PKHD1: variants seen among roughly 807,000 people sequenced by gnomAD.
PKHD1 encodes the protein PKHD1 ciliary IPT domain containing fibrocystin/polyductin, also known as fibrocystin.
A neutral mutation model predicts 412.0 loss-of-function variants in PKHD1; 291 were observed. The ratio of observed to expected loss-of-function variants is 0.71; its 90% confidence interval spans 0.64 to 0.78. The LOEUF is 0.78. PKHD1 is among the 30% of genes least tolerant of loss of function. The pLI, the probability that PKHD1 is intolerant of heterozygous loss-of-function variation, is 0.00. For missense variants in PKHD1, 4,825 were observed against 4,950.7 expected (o/e 0.97, Z 0.76); for synonymous variants, 1,777 against 1,821.5 (o/e 0.98, Z 0.62).
intron 52 of PKHD1, among the ~76,000 whole-genome samples, chr6:51,821,390 C>A (rs1766394658): frequency 1.3e-5 from 2 of 152,164 alleles, no homozygotes; most frequent in African/African-American, 4.8e-5. Flanking sequence ...CCTGGATAAA[C>A]CAGGGTAGCA....
chr6:51,744,479 G>A lies in PKHD1; in HGVS notation c.10062C>T (p.Phe3354=). Residue 3354 remains phenylalanine, a synonymous_variant, in exon 60 of 67, where the codon TTC becomes TTT. Transcript: ENST00000371117. Reference sequence around the variant, plus strand: ...CCAGGGCTCTCCCATCCAGATCCTTGAAGAGATATTTTCTTGGACTTGCAC... The same window carrying A: ...CCAGGGCTCTCCCATCCAGATCCTTAAAGAGATATTTTCTTGGACTTGCAC... The part of the protein sequence containing the change: ...LDCASPRKYL[F]KDLDGRALGL... The A allele has an allele frequency of 6.2e-7, 1 of 1,612,994 alleles. No homozygotes were observed. Among genetic ancestry groups the A allele is most frequent in the Non-Finnish European group, 8.5e-7 (1 of 1,179,006 alleles).
chr6:51,908,807 C>G (rs993809702), intron 40 of PKHD1, among the ~76,000 whole-genome samples: 5 of 152,080 alleles, frequency 3.3e-5, no homozygotes, highest in Non-Finnish European at 4.4e-5. Flanking sequence ...TTTCCCCAGG[C>G]AAAAGATTCC....
In PKHD1 at chr6:52,082,574, T is replaced by C. The variant is rs778102351; in HGVS notation, c.131-32A>G. 6 of 1,611,014 alleles carry C rather than the reference T, an allele frequency of 3.7e-6. No homozygotes were observed. In the African/African-American group the frequency reaches 5.3e-5, roughly 14 times the overall value. ...CAAGGGAAAGAAATCTCAGGCTGCA[T>C]AGAATTGTCATTGACACAGGACAGT... is the stretch of plus-strand genomic sequence containing the variant. On this transcript the variant is annotated intron_variant, in intron 3 of 66. Transcript: ENST00000371117.
chr6:51,703,913 G>GT (rs1779724407), intron 60 of PKHD1, among the ~76,000 whole-genome samples: 1 of 151,992 alleles, frequency 6.6e-6, no homozygotes, highest in East Asian at 1.9e-4. Flanking sequence ...ATGCTCTACT[G>GT]TTTTGGAGGG....
intron 35 of PKHD1, among the ~76,000 whole-genome samples, chr6:51,992,839 C>T (rs1291617369): frequency 6.6e-6 from 1 of 152,236 alleles, no homozygotes; most frequent in East Asian, 1.9e-4. Context: ...TGTCTTCTTT[C>T]TGCTCCATTC....
At chr6:51,942,281 G>A (rs1788714877) in intron 36 of PKHD1, among the ~76,000 whole-genome samples, 1 of 151,514 alleles carries the variant, frequency 6.6e-6, no homozygotes. Flanking sequence ...TCTTACCCAA[G>A]AACTGGGACT....
Position 51,618,601 on chromosome 6 carries a change from G to A in PKHD1, c.*480C>T, listed in dbSNP as rs1766251115. Reference sequence around the variant, plus strand: ...GCTCTGACAGATCAGGGAGCAGGGTGTTGAACTGTCCCTTCAAATGCTACT... The same window carrying A: ...GCTCTGACAGATCAGGGAGCAGGGTATTGAACTGTCCCTTCAAATGCTACT... On this transcript the variant is annotated 3_prime_UTR_variant, in exon 67 of 67. Transcript: ENST00000371117. The A allele has an allele frequency of 8.8e-6, 2 of 227,910 alleles. No individual in the cohort carries two copies. Among genetic ancestry groups the A allele is most frequent in the South Asian group, 6.3e-5 (1 of 15,756 alleles). The allele number at this position is 227,910 out of a possible 1,614,324, so 14.1% of individuals were successfully genotyped here. A position where few individuals can be genotyped will look rare whatever the true frequency, so the allele number is the denominator to read the frequency against.
intron 60 of PKHD1, among the ~76,000 whole-genome samples, chr6:51,704,391 G>A (rs1779780945): frequency 6.6e-6 from 1 of 152,032 alleles, no homozygotes; most frequent in African/African-American, 2.4e-5. Flanking sequence ...ATAAAGGGAA[G>A]CCAGTACAAG....
chr6:51,854,854 T>A (rs1772986072), intron 49 of PKHD1, among the ~76,000 whole-genome samples: 1 of 152,190 alleles, frequency 6.6e-6, no homozygotes, highest in South Asian at 2.1e-4. Flanking sequence ...GAGCTTAGCA[T>A]GTTAGGCAGT....
At chr6:51,807,801 G>C (rs992602116) in intron 52 of PKHD1, among the ~76,000 whole-genome samples, 1 of 151,992 alleles carries the variant, frequency 6.6e-6, no homozygotes, top group African/African-American at 2.4e-5. Flanking sequence ...TGAAACTTGA[G>C]AACATCATGC....
In PKHD1 at chr6:52,025,306, C is replaced by G; in HGVS notation, c.4504G>C (p.Val1502Leu). 6.2e-7 allele frequency: 1 copy of G among 1,614,062 alleles called. No homozygotes were observed. The highest frequency in any genetic ancestry group is 8.5e-7 in the Non-Finnish European group (1 of 1,180,024). Residue 1502 changes from valine to leucine, a missense_variant, in exon 32 of 67, where the codon GTG (valine) becomes CTG (leucine). Transcript: ENST00000371117. ...STNTSGSLTT[V>L]LIRGQRLATT... is the part of the protein sequence containing the mutation. ...GCTAACCTCTGACCCCTAATCAGCACAGTGGTCAGAGACCCACTGGTGTTT... is the reference window on the plus strand; with the variant it reads ...GCTAACCTCTGACCCCTAATCAGCAGAGTGGTCAGAGACCCACTGGTGTTT...
chr6:52,038,749 G>T lies in PKHD1; in HGVS notation c.3098-3028C>A, dbSNP rs914879188. 5.9e-5 allele frequency among the ~76,000 whole-genome samples: 9 copies of T among 152,068 alleles called. No homozygotes were observed. In the South Asian group the frequency reaches 1.7e-3, roughly 28 times the overall value. ...ACAAAAATTAACTCAGAATGAATCA[G>T]GTACCTACATCTAAGAGCCAAAACT... On this transcript the variant is annotated intron_variant, in intron 27 of 66. Coordinates refer to ENST00000371117, the MANE Select transcript of PKHD1 (RefSeq NM_138694.4).
intron 16 of PKHD1, among the ~76,000 whole-genome samples, chr6:52,057,273 C>T (rs1315884850): frequency 6.6e-6 from 1 of 152,188 alleles, no homozygotes; most frequent in African/African-American, 2.4e-5. Context: ...TCACCAATTG[C>T]TTTCTCCCAA....
chr6:51,807,458 AATATAT>A (rs1216445909), intron 52 of PKHD1, among the ~76,000 whole-genome samples: 1 of 49,676 alleles, frequency 2.0e-5, no homozygotes, highest in Non-Finnish European at 4.1e-5. Flanking sequence ...AAAAAAAAAA[AATATAT>A]ATATATATAT....
chr6:51,781,448 G>A (rs535438795), intron 53 of PKHD1, among the ~76,000 whole-genome samples: 2 of 152,076 alleles, frequency 1.3e-5, no homozygotes, highest in African/African-American at 4.8e-5. Flanking sequence ...TTCAATTAAT[G>A]GAATATTAAA....
At chr6:52,067,970 C>G (rs1217067939) in intron 11 of PKHD1, among the ~76,000 whole-genome samples, 1 of 151,996 alleles carries the variant, frequency 6.6e-6, no homozygotes, top group Non-Finnish European at 1.5e-5. Flanking sequence ...GCATGTAACA[C>G]AAGAGGTGAT....
chr6:51,690,083 T>C (rs1229234747), intron 60 of PKHD1, among the ~76,000 whole-genome samples: 1 of 151,302 alleles, frequency 6.6e-6, no homozygotes, highest in African/African-American at 2.4e-5. Context: ...ACCAGCTTGG[T>C]CAATATGAAG....
chr6:52,058,372 C>T lies in PKHD1; in HGVS notation c.1463G>A (p.Arg488Gln), dbSNP rs186202437. 8.1e-6 allele frequency: 13 copies of T among 1,614,164 alleles called. No homozygotes were observed. The highest frequency in any genetic ancestry group is 4.5e-5 in the East Asian group (2 of 44,880). The change falls in exon 16 of 67, where the codon CGG (arginine) becomes CAG (glutamine). Residue 488 changes from arginine (R) to glutamine (Q), a missense_variant. Physicochemically the swap from Arg to Gln is conservative, Grantham distance 43 (BLOSUM62 1). Coordinates refer to ENST00000371117, the MANE Select transcript of PKHD1 (RefSeq NM_138694.4). ...LNPDVVTTYLREKHQIRVRAQ... is the reference protein window; with the variant it reads ...LNPDVVTTYLQEKHQIRVRAQ... Reference sequence around the variant, plus strand: ...TCGGACTCGGATCTGGTGCTTCTCCCGTAGGTAAGTGGTGACCACATCAGG... The same window carrying T: ...TCGGACTCGGATCTGGTGCTTCTCCTGTAGGTAAGTGGTGACCACATCAGG...
intron 53 of PKHD1, among the ~76,000 whole-genome samples, chr6:51,781,643 T>C (rs9463713): frequency 0.59 from 88,939 of 151,790 alleles, 26,816 homozygotes; most frequent in East Asian, 0.83. Flanking sequence ...GCTAATAGTA[T>C]ATGGCACAGT....
Sources: gnomAD v4.1 joint callset for allele counts (sites outside exome capture counted in the v4.1 genomes callset) on GRCh38, gnomAD v4.1.1 for gene constraint, MANE v1.5 for transcripts, NCBI Gene and HGNC (gene_info 2026-07-23, HGNC 2026-07-21) for gene names.